Variants in SCFD2 observed in about 807,000 individuals in gnomAD.
SCFD2 encodes the protein sec1 family domain containing 2.
A neutral mutation model predicts 58.9 loss-of-function variants in SCFD2; 54 were observed. The observed-to-expected ratio is 0.92, with a 90% confidence interval of 0.74 to 1.15. The LOEUF (loss-of-function observed/expected upper bound fraction) is 1.15, where lower values mean the gene tolerates loss of function less well. Ranked by LOEUF, SCFD2 falls within the 50% of genes most tolerant of loss-of-function variation. The pLI is 0.00. For missense variants in SCFD2, 805 were observed against 836.6 expected (o/e 0.96, Z 0.47); for synonymous variants, 321 against 335.9 (o/e 0.96, Z 0.49).
chr4:53,277,741 TAA>T (rs1173600579), intron 3 of SCFD2, among the ~76,000 whole-genome samples: 1 of 152,236 alleles, frequency 6.6e-6, no homozygotes, highest in Non-Finnish European at 1.5e-5. Context: ...ATTTTAAAGA[TAA>T]AAGTGTCTTT....
intron 4 of SCFD2, among the ~76,000 whole-genome samples, chr4:53,175,959 A>C (rs1445944617): frequency 6.6e-6 from 1 of 152,164 alleles, no homozygotes; most frequent in Non-Finnish European, 1.5e-5. Flanking sequence ...ATAACTATTG[A>C]GATGATTCTT....
intron 5 of SCFD2, among the ~76,000 whole-genome samples, chr4:53,130,524 G>T (rs2148899244): frequency 6.6e-6 from 1 of 152,138 alleles, no homozygotes. Flanking sequence ...GCAGTTGTGG[G>T]ACTGCCAATT....
At chr4:53,052,139 T>A (rs544632338) in intron 5 of SCFD2, among the ~76,000 whole-genome samples, 1 of 152,292 alleles carries the variant, frequency 6.6e-6, no homozygotes, top group Non-Finnish European at 1.5e-5. Context: ...AGTTCCTTCA[T>A]GCTGCAAGAC....
At chr4:52,939,805 A>G (rs1166914456) in intron 5 of SCFD2, among the ~76,000 whole-genome samples, 1 of 152,206 alleles carries the variant, frequency 6.6e-6, no homozygotes, top group Non-Finnish European at 1.5e-5. Context: ...AAGAAGCACC[A>G]TGAACGTCAT....
At chr4:53,106,670 G>C (rs1160542954) in intron 5 of SCFD2, among the ~76,000 whole-genome samples, 1 of 152,102 alleles carries the variant, frequency 6.6e-6, no homozygotes, top group African/African-American at 2.4e-5. Context: ...TTAGAGAAAA[G>C]AGAATGAAAA....
intron 5 of SCFD2, among the ~76,000 whole-genome samples, chr4:52,947,976 A>C (rs1250404388): frequency 6.7e-6 from 1 of 150,270 alleles, no homozygotes; most frequent in African/African-American, 2.4e-5. Context: ...GCCAAAAAAA[A>C]AAAAAAAAAA....
chr4:53,268,500 C>T (rs187010074), intron 4 of SCFD2, among the ~76,000 whole-genome samples: 28 of 152,108 alleles, frequency 1.8e-4, no homozygotes, highest in East Asian at 1.4e-3. Flanking sequence ...TCCCAGGATG[C>T]GGTGTAGGAC....
At chr4:53,103,417 C>T (rs1263215446) in intron 5 of SCFD2, among the ~76,000 whole-genome samples, 1 of 151,976 alleles carries the variant, frequency 6.6e-6, no homozygotes, top group African/African-American at 2.4e-5. Context: ...CATCTATTCA[C>T]ACAGAATGCT....
In SCFD2 at chr4:53,164,002, C is replaced by T. The variant is rs138501902; in HGVS notation, c.1312-18420G>A. Among the ~76,000 whole-genome samples, 354 of 152,226 alleles carry T rather than the reference C, an allele frequency of 2.3e-3. 1 individual carries two copies. Among genetic ancestry groups the T allele is most frequent in the African/African-American group, 8.0e-3 (333 of 41,542 alleles). ...AAGGCTGTAACTGAAGACTGCTATACCTCTTAACCATAGCAAGGCATTTAG... is the reference window on the plus strand; with the variant it reads ...AAGGCTGTAACTGAAGACTGCTATATCTCTTAACCATAGCAAGGCATTTAG... On this transcript the variant is annotated intron_variant, in intron 4 of 8. Coordinates refer to ENST00000401642, the MANE Select transcript of SCFD2 (RefSeq NM_152540.4).
intron 5 of SCFD2, among the ~76,000 whole-genome samples, chr4:52,991,916 T>A (rs4864706): frequency 0.39 from 59,919 of 152,038 alleles, 12,556 homozygotes; most frequent in Admixed American, 0.54. Context: ...GTACATGTCT[T>A]TATAGTGGAT....
At chr4:53,297,677 G>A (rs1013995745) in intron 3 of SCFD2, among the ~76,000 whole-genome samples, 6 of 152,270 alleles carry the variant, frequency 3.9e-5, no homozygotes, top group Admixed American at 3.9e-4. Flanking sequence ...ATTGTTATGT[G>A]TGAAATTGAT....
intron 3 of SCFD2, among the ~76,000 whole-genome samples, chr4:53,291,294 T>G (rs1276450177): frequency 4.0e-5 from 6 of 151,630 alleles, no homozygotes; most frequent in Non-Finnish European, 8.9e-5. Flanking sequence ...CCTTAACATA[T>G]GCAAATCAAA....
At chr4:53,354,703 A>G (rs1311967237) in intron 1 of SCFD2, among the ~76,000 whole-genome samples, 1 of 152,228 alleles carries the variant, frequency 6.6e-6, no homozygotes, top group Non-Finnish European at 1.5e-5. Context: ...AATAACCTGT[A>G]TCTAGTCAGT....
chr4:53,321,701 TCA>T (rs889113971), intron 2 of SCFD2, among the ~76,000 whole-genome samples: 8 of 152,162 alleles, frequency 5.3e-5, no homozygotes, highest in African/African-American at 1.7e-4. Context: ...ATTAAATTAT[TCA>T]CAGAGGCTTC....
chr4:52,944,592 G>A (rs1302555017), intron 5 of SCFD2, among the ~76,000 whole-genome samples: 2 of 152,152 alleles, frequency 1.3e-5, no homozygotes, highest in Non-Finnish European at 2.9e-5. Flanking sequence ...TATGTCTGTT[G>A]TTCTAATGAC....
At chr4:52,985,201 G>A (rs1721460630) in intron 5 of SCFD2, among the ~76,000 whole-genome samples, 1 of 152,130 alleles carries the variant, frequency 6.6e-6, no homozygotes, top group Non-Finnish European at 1.5e-5. Context: ...CGCAGTAAGG[G>A]TCATCCTTGC....
At chr4:52,956,961 C>T (rs1259018249) in intron 5 of SCFD2, 1 of 152,286 alleles carries the variant, frequency 6.6e-6, no homozygotes, top group Non-Finnish European at 1.5e-5. Context: ...TGGCAAAATT[C>T]GATTTGTGGT....
At chr4:53,125,509 T>C (rs1725601456) in intron 5 of SCFD2, among the ~76,000 whole-genome samples, 1 of 152,254 alleles carries the variant, frequency 6.6e-6, no homozygotes, top group Non-Finnish European at 1.5e-5. Context: ...CTCCTGCATG[T>C]AGGCAAAAAA....
At chr4:53,315,495 G>C (rs929847912) in intron 2 of SCFD2, among the ~76,000 whole-genome samples, 2 of 152,140 alleles carry the variant, frequency 1.3e-5, no homozygotes, top group Admixed American at 1.3e-4. Context: ...AGGAAGCCAA[G>C]GAGCATGTGA....
Sources: gnomAD v4.1 joint callset for allele counts (sites outside exome capture counted in the v4.1 genomes callset) on GRCh38, gnomAD v4.1.1 for gene constraint, MANE v1.5 for transcripts, NCBI Gene and HGNC (gene_info 2026-07-23, HGNC 2026-07-21) for gene names.